The following CDK3 variants were observed in gnomAD, a reference collection of about 807,000 sequenced individuals.
CDK3 encodes cyclin-dependent kinase 3.
A neutral mutation model predicts 30.2 loss-of-function variants in CDK3; 24 were observed. The observed-to-expected ratio is 0.79, with a 90% CI of 0.57 to 1.12. The LOEUF (loss-of-function observed/expected upper bound fraction) is 1.12, where lower values mean the gene tolerates loss of function less well. CDK3 is among the 50% of genes most tolerant of loss of function. The pLI is 0.00. For synonymous variants in CDK3, 158 were observed against 154.2 expected (o/e 1.02, Z -0.18); for missense variants, 345 against 376.0 (o/e 0.92, Z 0.68).
At position 76,002,115 on chromosome 17, in the gene CDK3, C is replaced by A; in HGVS notation, c.288C>A (p.Gly96=). 1 of 1,614,052 alleles carries A rather than the reference C, an allele frequency of 6.2e-7. No individual in the cohort carries two copies. The highest frequency in any genetic ancestry group is 8.5e-7 in the Non-Finnish European group (1 of 1,179,994). ...AGAAGTACATGGACTCCACCCCAGG[C>A]TCAGAGCTCCCCCTGCACCTCATCA... The part of the protein sequence containing the change: ...DLKKYMDSTP[G]SELPLHLIKS... Residue 96 remains glycine (G), a synonymous_variant, in exon 4 of 8, where the codon GGC becomes GGA. Coordinates refer to ENST00000448471, the MANE Select transcript of CDK3 (RefSeq NM_001258.4). This position sits in a 1 kb window ranked among gnomAD's most constrained non-coding sequence, Gnocchi z 4.3.
chr17:76,005,554 TGA>T lies in CDK3; in HGVS notation c.*133_*134del. ...AATTCAGCATCAGCCTGCAGAGGGCTGAGTCTGGGTTAGTCCTGCCCGCAGGT... is the reference window on the plus strand; with the variant it reads ...AATTCAGCATCAGCCTGCAGAGGGCTGTCTGGGTTAGTCCTGCCCGCAGGT... On this transcript the variant is annotated 3_prime_UTR_variant, in exon 8 of 8. Transcript: ENST00000448471. The surrounding 1 kb of genome is among the most constrained non-coding windows in gnomAD (Gnocchi z 4.7). 1 of 1,164,614 alleles carries T rather than the reference TGA, an allele frequency of 8.6e-7. No individual in the cohort carries two copies. The highest frequency in any genetic ancestry group is 1.5e-5 in the South Asian group (1 of 67,224). 72.1% of individuals were successfully genotyped at this position (1,164,614 alleles called of 1,614,324 possible).
Position 76,002,529 on chromosome 17 carries a change from C to G in CDK3, c.505C>G (p.Arg169Gly). The G allele has an allele frequency of 8.1e-7, 1 of 1,240,824 alleles. No individual in the cohort carries two copies. Among genetic ancestry groups the G allele is most frequent in the Non-Finnish European group, 1.2e-6 (1 of 839,126 alleles). The allele number at this position is 1,240,824 out of a possible 1,614,324, so 76.9% of individuals were successfully genotyped here. Residue 169 changes from arginine (R) to glycine (G), a missense_variant, in exon 6 of 8, where the codon CGC becomes GGC. Arg to Gly is a moderately radical substitution (Grantham distance 125). Transcript: ENST00000448471. The surrounding 1 kb of genome is among the most constrained non-coding windows in gnomAD (Gnocchi z 4.3). ...CCTGCAGGTGGTGACACTGTGGTATCGCGCCCCCGAGATTCTCTTGGGCAG... is the reference window on the plus strand; with the variant it reads ...CCTGCAGGTGGTGACACTGTGGTATGGCGCCCCCGAGATTCTCTTGGGCAG... ...YTHEVVTLWY[R>G]APEILLGSKF...
rs777571429 is a variant in CDK3, at chr17:76,002,334, C to T, written c.402C>T (p.Leu134=). The change falls in exon 5 of 8, where the codon CTC becomes CTT. Residue 134 remains leucine, a synonymous_variant. Transcript: ENST00000448471. This position sits in a 1 kb window ranked among gnomAD's most constrained non-coding sequence, Gnocchi z 4.3. The stretch of plus-strand genomic sequence containing the variant: ...GAGACCTGAAGCCCCAGAACCTGCT[C>T]ATCAATGAGTTGGGTGCCATCAAGC... ...IHRDLKPQNL[L]INELGAIKLA... The T allele has an allele frequency of 3.9e-5, 63 of 1,612,864 alleles. No homozygotes were observed. The highest frequency in any genetic ancestry group is 5.3e-5 in the Non-Finnish European group (62 of 1,180,014).
At position 76,003,183 on chromosome 17, in the gene CDK3, T is replaced by C. The variant is rs779552695; in HGVS notation, c.589-12T>C. 6.2e-7 allele frequency: 1 copy of C among 1,612,966 alleles called. No individual in the cohort carries two copies. The highest frequency in any genetic ancestry group is 8.5e-7 in the Non-Finnish European group (1 of 1,178,998). ...TGGCGGACCCCACACCTTCTCTTCT[T>C]CCCCATTTCAGGTGACTCGAAAAGC... On this transcript the variant is annotated splice_polypyrimidine_tract_variant and intron_variant, in intron 6 of 7. Transcript: ENST00000448471.
chr17:76,002,759 G>A lies in CDK3; in HGVS notation c.588+147G>A. On this transcript the variant is annotated intron_variant, in intron 6 of 7. Coordinates refer to ENST00000448471, the MANE Select transcript of CDK3 (RefSeq NM_001258.4). The surrounding 1 kb of genome is among the most constrained non-coding windows in gnomAD (Gnocchi z 4.3). ...CACGCCCGTAATCCCAGCACTTTGG[G>A]AGGCTGAGATGGGAGGATGGCTTGA... The A allele has an allele frequency of 4.9e-6, 3 of 611,926 alleles. No homozygotes were observed. Among genetic ancestry groups the A allele is most frequent in the Non-Finnish European group, 8.8e-6 (3 of 339,866 alleles). 37.9% of individuals were successfully genotyped at this position (611,926 alleles called of 1,614,324 possible).
In CDK3 at chr17:76,001,135, A is replaced by C; in HGVS notation, c.-15+168A>C. 8.0e-7 allele frequency: 1 copy of C among 1,255,728 alleles called. No individual in the cohort carries two copies. The highest frequency in any genetic ancestry group is 3.5e-5 in the Admixed American group (1 of 28,744). 77.8% of individuals were successfully genotyped at this position (1,255,728 alleles called of 1,614,324 possible). A position where few individuals can be genotyped will look rare whatever the true frequency, so the allele number is the denominator to read the frequency against. On this transcript the variant is annotated intron_variant, in intron 1 of 7. Coordinates refer to ENST00000448471, the MANE Select transcript of CDK3 (RefSeq NM_001258.4). This position sits in a 1 kb window ranked among gnomAD's most constrained non-coding sequence, Gnocchi z 6.2. ...TGGGCCCTGCCCTCCGAGGCCGGGC[A>C]TGGGCGAGAAGCCTGGGGGTCCTGG...
chr17:76,001,767 C>A lies in CDK3; in HGVS notation c.117-107C>A. 1 of 1,126,792 alleles carries A rather than the reference C, an allele frequency of 8.9e-7. No individual in the cohort carries two copies. The highest frequency in any genetic ancestry group is 1.3e-6 in the Non-Finnish European group (1 of 794,236). The allele number at this position is 1,126,792 out of a possible 1,614,324, so 69.8% of individuals were successfully genotyped here. A position where few individuals can be genotyped will look rare whatever the true frequency, so the allele number is the denominator to read the frequency against. ...GCCAAGGAGCACAGGTCTCCATTGCCGGGGCCCTGGTCATTCTGTGGGGTT... is the reference window on the plus strand; with the variant it reads ...GCCAAGGAGCACAGGTCTCCATTGCAGGGGCCCTGGTCATTCTGTGGGGTT... On this transcript the variant is annotated intron_variant, in intron 2 of 7. Coordinates refer to ENST00000448471, the MANE Select transcript of CDK3 (RefSeq NM_001258.4). The surrounding 1 kb of genome is among the most constrained non-coding windows in gnomAD (Gnocchi z 6.2).
intron 7 of CDK3, among the ~76,000 whole-genome samples, chr17:76,004,989 C>G (rs999417131): frequency 5.1e-4 from 77 of 152,168 alleles, no homozygotes; most frequent in Non-Finnish European, 1.6e-4. Context: ...GCTTCAGTCC[C>G]CTGCTTCCTG....
rs2069532 is a variant in CDK3, at chr17:76,003,283, C to T, written c.677C>T (p.Thr226Ile). 8.5e-4 allele frequency: 1,366 copies of T among 1,614,110 alleles called. 17 individuals carry two copies. In the African/African-American group the frequency reaches 0.015, roughly 18 times the overall value. The change falls in exon 7 of 8, where the codon ACA becomes ATA. Residue 226 changes from threonine (T) to isoleucine (I), a missense_variant. By Grantham distance (89) the Thr-to-Ile change is moderately conservative. Transcript: ENST00000448471. ...FRMLGTPSED[T>I]WPGVTQLPDY... ...ATGCTGGGGACACCCAGCGAAGACA[C>T]ATGGCCCGGGGTCACCCAGCTGCCT...
rs761700729 is a variant in CDK3, at chr17:76,002,532, G to A, written c.508G>A (p.Ala170Thr). 5 of 1,207,506 alleles carry A rather than the reference G, an allele frequency of 4.1e-6. No individual in the cohort carries two copies. The highest frequency in any genetic ancestry group is 2.3e-5 in the East Asian group (1 of 43,024). The allele number at this position is 1,207,506 out of a possible 1,614,324, so 74.8% of individuals were successfully genotyped here. A position where few individuals can be genotyped will look rare whatever the true frequency, so the allele number is the denominator to read the frequency against. The change falls in exon 6 of 8, where the codon GCC becomes ACC. Residue 170 changes from alanine to threonine, a missense_variant. By Grantham distance (58) the Ala-to-Thr change is moderately conservative (BLOSUM62 0). Transcript: ENST00000448471. The surrounding 1 kb of genome is among the most constrained non-coding windows in gnomAD (Gnocchi z 4.3). ...GCAGGTGGTGACACTGTGGTATCGCGCCCCCGAGATTCTCTTGGGCAGCAA... is the reference window on the plus strand; with the variant it reads ...GCAGGTGGTGACACTGTGGTATCGCACCCCCGAGATTCTCTTGGGCAGCAA... ...THEVVTLWYR[A>T]PEILLGSKFY...
Position 76,005,503 on chromosome 17 carries a change from C to T in CDK3, c.*80C>T. On this transcript the variant is annotated 3_prime_UTR_variant, in exon 8 of 8. Coordinates refer to ENST00000448471, the MANE Select transcript of CDK3 (RefSeq NM_001258.4). This position sits in a 1 kb window ranked among gnomAD's most constrained non-coding sequence, Gnocchi z 4.7. Reference sequence around the variant, plus strand: ...TCCTACCCATTGCCAAGAGAGGATGCATCTGGGGAGAGCAAAGCACTAAGG... The same window carrying T: ...TCCTACCCATTGCCAAGAGAGGATGTATCTGGGGAGAGCAAAGCACTAAGG... The T allele has an allele frequency of 6.6e-7, 1 of 1,513,396 alleles. No homozygotes were observed. Among genetic ancestry groups the T allele is most frequent in the Admixed American group, 1.8e-5 (1 of 54,416 alleles). The allele number at this position is 1,513,396 out of a possible 1,614,324, so 93.7% of individuals were successfully genotyped here.
chr17:76,003,861 G>C (rs2066284388), intron 7 of CDK3, among the ~76,000 whole-genome samples: 1 of 152,140 alleles, frequency 6.6e-6, no homozygotes, highest in African/African-American at 2.4e-5. Flanking sequence ...TCCTGCCTCA[G>C]CCTCCCGAGT....
In CDK3 at chr17:76,005,101, G is replaced by T. The variant is rs987819230; in HGVS notation, c.793-197G>T. On this transcript the variant is annotated intron_variant, in intron 7 of 7. Coordinates refer to ENST00000448471, the MANE Select transcript of CDK3 (RefSeq NM_001258.4). The surrounding 1 kb of genome is among the most constrained non-coding windows in gnomAD (Gnocchi z 4.7). ...AGCTTCAGTGGCCTGAGGAGACCTGGGTGACTCGTTAGGACTGTCCAGATT... is the reference window on the plus strand; with the variant it reads ...AGCTTCAGTGGCCTGAGGAGACCTGTGTGACTCGTTAGGACTGTCCAGATT... Among the ~76,000 whole-genome samples, 1 of 152,130 alleles carries T rather than the reference G, an allele frequency of 6.6e-6. No individual in the cohort carries two copies. The highest frequency in any genetic ancestry group is 2.4e-5 in the African/African-American group (1 of 41,412).
At position 76,000,930 on chromosome 17, in the gene CDK3, C is replaced by T. The variant is rs1043142167; in HGVS notation, c.-52C>T. On this transcript the variant is annotated 5_prime_UTR_variant, in exon 1 of 8. Coordinates refer to ENST00000448471, the MANE Select transcript of CDK3 (RefSeq NM_001258.4). The surrounding 1 kb of genome is among the most constrained non-coding windows in gnomAD (Gnocchi z 5.9). ...AGCCCTTCCTGGCCGCCATGTGTAC[C>T]CAGAGCCTGGGACTGGCTGGGCTGG... is the stretch of plus-strand genomic sequence containing the variant. 11 of 1,067,910 alleles carry T rather than the reference C, an allele frequency of 1.0e-5. No homozygotes were observed. The highest frequency in any genetic ancestry group is 4.4e-4 in the Middle Eastern group (1 of 2,268). The allele number at this position is 1,067,910 out of a possible 1,614,324, so 66.2% of individuals were successfully genotyped here.
At chr17:76,003,430 G>A (rs376065215) in intron 7 of CDK3, 32 bp downstream of exon 7, 36 of 1,574,212 alleles carry the variant, frequency 2.3e-5, no homozygotes, top group African/African-American at 1.1e-4. Context: ...CTGCTGCTCC[G>A]ACTACAGTTT....
At position 76,002,957 on chromosome 17, in the gene CDK3, A is replaced by G; in HGVS notation, c.589-238A>G. 1.7e-6 allele frequency: 1 copy of G among 572,870 alleles called. No homozygotes were observed. Among genetic ancestry groups the G allele is most frequent in the South Asian group, 2.0e-5 (1 of 49,280 alleles). 35.5% of individuals were successfully genotyped at this position (572,870 alleles called of 1,614,324 possible). A position where few individuals can be genotyped will look rare whatever the true frequency, so the allele number is the denominator to read the frequency against. On this transcript the variant is annotated intron_variant, in intron 6 of 7. Coordinates refer to ENST00000448471, the MANE Select transcript of CDK3 (RefSeq NM_001258.4). The surrounding 1 kb of genome is among the most constrained non-coding windows in gnomAD (Gnocchi z 4.3). ...GGCTGCAGTGAGCTGTGATCGCACG[A>G]CTGCACTCTAGCCTGGGTGACAGAG... is the stretch of plus-strand genomic sequence containing the variant.
rs17881521 is a variant in CDK3 at position 76,001,988 on chromosome 17, G to A, written c.195-34G>A. 0.013 allele frequency: 21,691 copies of A among 1,613,976 alleles called. 201 individuals carry two copies. The highest frequency in any genetic ancestry group is 0.02 in the Middle Eastern group (120 of 6,060). ...ATTGAGGTGGGGAAGCTGGGATGGC[G>A]AAGGTAGCATCCTGACTGCCATCTC... On this transcript the variant is annotated intron_variant, in intron 3 of 7. Transcript: ENST00000448471. This position sits in a 1 kb window ranked among gnomAD's most constrained non-coding sequence, Gnocchi z 6.2.
rs948673291 is a variant in CDK3, at chr17:76,005,481, T to C, written c.*58T>C. On this transcript the variant is annotated 3_prime_UTR_variant, in exon 8 of 8. Coordinates refer to ENST00000448471, the MANE Select transcript of CDK3 (RefSeq NM_001258.4). This position sits in a 1 kb window ranked among gnomAD's most constrained non-coding sequence, Gnocchi z 4.7. ...AGCAGCTGCTGCCCCAGCTGCCTCC[T>C]ACCCATTGCCAAGAGAGGATGCATC... 1 of 1,573,654 alleles carries C rather than the reference T, an allele frequency of 6.4e-7. No individual in the cohort carries two copies. Among genetic ancestry groups the C allele is most frequent in the South Asian group, 1.2e-5 (1 of 86,408 alleles).
In CDK3 at chr17:76,000,936, C is replaced by G; in HGVS notation, c.-46C>G. Reference sequence around the variant, plus strand: ...TCCTGGCCGCCATGTGTACCCAGAGCCTGGGACTGGCTGGGCTGGGCAGTG... The same window carrying G: ...TCCTGGCCGCCATGTGTACCCAGAGGCTGGGACTGGCTGGGCTGGGCAGTG... On this transcript the variant is annotated 5_prime_UTR_variant, in exon 1 of 8. Transcript: ENST00000448471. This position sits in a 1 kb window ranked among gnomAD's most constrained non-coding sequence, Gnocchi z 5.9. The G allele has an allele frequency of 9.3e-7, 1 of 1,075,958 alleles. No homozygotes were observed. Among genetic ancestry groups the G allele is most frequent in the Non-Finnish European group, 1.1e-6 (1 of 883,570 alleles). 66.7% of individuals were successfully genotyped at this position (1,075,958 alleles called of 1,614,324 possible).
Sources: gnomAD v4.1 joint callset for allele counts (sites outside exome capture counted in the v4.1 genomes callset) on GRCh38, gnomAD v4.1.1 for gene constraint, Gnocchi (gnomAD v3.1) non-coding constraint, MANE v1.5 for transcripts, NCBI Gene and HGNC (gene_info 2026-07-23, HGNC 2026-07-21) for gene names.